RNF141: variants seen among roughly 807,000 people sequenced by gnomAD.
The protein encoded by RNF141 is C3HC4-like zinc finger protein.
RNF141 carries 18 observed loss-of-function variants against 27.4 expected under a neutral mutation model. That is an observed-to-expected ratio of 0.66 (90% CI 0.45 to 0.97). RNF141 has a LOEUF of 0.97. RNF141 is among the 50% of genes least tolerant of loss of function. RNF141 has a pLI of 0.00. For synonymous variants in RNF141, 97 were observed against 96.6 expected, an observed-to-expected ratio of 1.00 and a Z score of -0.02; for missense variants, 230 against 279.4, an observed-to-expected ratio of 0.82 and a Z score of 1.26.
chr11:10,533,957 ACATATGGGG>A, intron 2 of RNF141, 50 bp downstream of exon 2: 1 of 1,496,342 alleles, frequency 6.7e-7, no homozygotes, highest in Non-Finnish European at 9.2e-7. Flanking sequence ...CACAGCCATG[ACATATGGGG>A]CATACATACA....
chr11:10,528,288 T>C (rs1426273771), intron 3 of RNF141, among the ~76,000 whole-genome samples: 1 of 152,138 alleles, frequency 6.6e-6, no homozygotes, highest in African/African-American at 2.4e-5. Context: ...CTTTCTAACA[T>C]AAACACTGAC....
intron 2 of RNF141, chr11:10,531,822 C>G (rs1849988784): frequency 4.1e-6 from 1 of 241,006 alleles, no homozygotes; most frequent in Non-Finnish European, 8.4e-6. Flanking sequence ...AGTTAAGCAA[C>G]TAGCCTTAGG....
rs1849807618 is a variant in RNF141 at position 10,512,340 on chromosome 11, C to A, written c.*2576G>T. On this transcript the variant is annotated 3_prime_UTR_variant, in exon 6 of 6. Transcript: ENST00000265981. Reference sequence around the variant, plus strand: ...TTATCACCCAGTTCAATAGAGCGAACAAAGAGCTGTGCTCATTTATTTATT... The same window carrying A: ...TTATCACCCAGTTCAATAGAGCGAAAAAAGAGCTGTGCTCATTTATTTATT... 1 of 152,602 alleles carries A rather than the reference C, an allele frequency of 6.6e-6. No homozygotes were observed. The highest frequency in any genetic ancestry group is 6.5e-5 in the Admixed American group (1 of 15,280). The allele number at this position is 152,602 out of a possible 1,614,324, so 9.5% of individuals were successfully genotyped here. A position where few individuals can be genotyped will look rare whatever the true frequency, so the allele number is the denominator to read the frequency against.
chr11:10,539,691 C>CATATATATATAT (rs1554905298), intron 1 of RNF141, among the ~76,000 whole-genome samples: 18 of 40,328 alleles, frequency 4.5e-4, no homozygotes, highest in African/African-American at 7.5e-4. Context: ...AAGATACATA[C>CATATATATATAT]ATATATATTA....
At chr11:10,525,916 T>C (rs1338051060) in intron 3 of RNF141, among the ~76,000 whole-genome samples, 1 of 152,116 alleles carries the variant, frequency 6.6e-6, no homozygotes, top group African/African-American at 2.4e-5. Context: ...ATCAAAAAAC[T>C]CGTTTAATAT....
At position 10,517,779 on chromosome 11, in the gene RNF141, T is replaced by A. The variant is rs1439805047; in HGVS notation, c.542+1255A>T. On this transcript the variant is annotated intron_variant, in intron 5 of 5. Transcript: ENST00000265981. ...CAGAAAAAAAGTCTTTGAAAAATGA[T>A]ATTCGGACATTCAAGAAGAGCCTAT... is the stretch of plus-strand genomic sequence containing the variant. The A allele has an allele frequency of 2.0e-5, 3 of 152,150 alleles. 1 individual carries two copies. Among genetic ancestry groups the A allele is most frequent in the South Asian group, 2.1e-4 (1 of 4,830 alleles). The allele number at this position is 152,150 out of a possible 1,614,324, so 9.4% of individuals were successfully genotyped here. A position where few individuals can be genotyped will look rare whatever the true frequency, so the allele number is the denominator to read the frequency against.
chr11:10,511,826 C>T lies in RNF141; in HGVS notation c.*3090G>A, dbSNP rs1849802214. The T allele has an allele frequency of 6.6e-6, 1 of 152,608 alleles. No homozygotes were observed. The highest frequency in any genetic ancestry group is 2.4e-5 in the African/African-American group (1 of 41,430). The allele number at this position is 152,608 out of a possible 1,614,324, so 9.5% of individuals were successfully genotyped here. On this transcript the variant is annotated 3_prime_UTR_variant, in exon 6 of 6. Transcript: ENST00000265981. ...GAATTTTAAAACAGCACACAAACAT[C>T]ACAAGCCCCCAGCGCACAATATAAA...
In RNF141 at chr11:10,527,960, G is replaced by T. The variant is rs116856219; in HGVS notation, c.253-2587C>A. 4.6e-3 allele frequency among the ~76,000 whole-genome samples: 697 copies of T among 152,292 alleles called. 7 individuals carry two copies. The East Asian group carries it at 0.056, about 12-fold the overall frequency. ...AAAGAAAAGCCAAGAATGACTCTAA[G>T]AAGTTGGTCTAAGAAAAAAGAAGGA... On this transcript the variant is annotated intron_variant, in intron 3 of 5. Transcript: ENST00000265981.
Position 10,512,170 on chromosome 11 carries a change from TAGTA to T in RNF141, c.*2742_*2745del, listed in dbSNP as rs1849805894. ...AAGGCACACATTATATTTCCTATCA[TAGTA>T]AGTACATTTAAGTACTTCATATTTA... On this transcript the variant is annotated 3_prime_UTR_variant, in exon 6 of 6. Transcript: ENST00000265981. The T allele has an allele frequency of 6.6e-6, 1 of 152,656 alleles. No individual in the cohort carries two copies. Among genetic ancestry groups the T allele is most frequent in the Non-Finnish European group, 1.5e-5 (1 of 68,040 alleles). The allele number at this position is 152,656 out of a possible 1,614,324, so 9.5% of individuals were successfully genotyped here. A position where few individuals can be genotyped will look rare whatever the true frequency, so the allele number is the denominator to read the frequency against.
chr11:10,513,499 A>T lies in RNF141; in HGVS notation c.*1417T>A, dbSNP rs569298728. 6.6e-6 allele frequency: 1 copy of T among 152,326 alleles called. No individual in the cohort carries two copies. Among genetic ancestry groups the T allele is most frequent in the South Asian group, 2.1e-4 (1 of 4,826 alleles). 9.4% of individuals were successfully genotyped at this position (152,326 alleles called of 1,614,324 possible). A position where few individuals can be genotyped will look rare whatever the true frequency, so the allele number is the denominator to read the frequency against. ...TTAATGTTAGAAATTTTAGTTCATA[A>T]GCAAAAAAAATGGTTGAGGTGCAAC... is the stretch of plus-strand genomic sequence containing the variant. On this transcript the variant is annotated 3_prime_UTR_variant, in exon 6 of 6. Coordinates refer to ENST00000265981, the MANE Select transcript of RNF141 (RefSeq NM_016422.4).
chr11:10,520,989 A>C (rs768204939), intron 4 of RNF141, among the ~76,000 whole-genome samples: 7 of 152,232 alleles, frequency 4.6e-5, no homozygotes, highest in Admixed American at 6.5e-5. Flanking sequence ...TGGGCATATG[A>C]GTGAAAGAAT....
At chr11:10,532,864 C>G (rs544589749) in intron 2 of RNF141, among the ~76,000 whole-genome samples, 1 of 152,092 alleles carries the variant, frequency 6.6e-6, no homozygotes, top group African/African-American at 2.4e-5. Flanking sequence ...TTTCATTCAG[C>G]CTTTTTAGGG....
intron 1 of RNF141, among the ~76,000 whole-genome samples, chr11:10,536,190 T>C (rs1244871867): frequency 6.6e-6 from 1 of 152,114 alleles, no homozygotes; most frequent in African/African-American, 2.4e-5. Context: ...AACAACATTT[T>C]ACTTGAGGTC....
chr11:10,525,082 A>AG, intron 4 of RNF141, 110 bp downstream of exon 4: 1 of 671,062 alleles, frequency 1.5e-6, no homozygotes, highest in East Asian at 3.4e-5. Flanking sequence ...ACCAACTGAG[A>AG]AAAAAAAAAG....
Position 10,512,845 on chromosome 11 carries a change from A to C in RNF141, c.*2071T>G, listed in dbSNP as rs1185513711. 1 of 152,182 alleles carries C rather than the reference A, an allele frequency of 6.6e-6. No homozygotes were observed. Among genetic ancestry groups the C allele is most frequent in the African/African-American group, 2.4e-5 (1 of 41,466 alleles). 9.4% of individuals were successfully genotyped at this position (152,182 alleles called of 1,614,324 possible). On this transcript the variant is annotated 3_prime_UTR_variant, in exon 6 of 6. Transcript: ENST00000265981. ...CATGCTGGATATCACCAATGCATTA[A>C]TGTTTTTATTCATTGACTTAATCAC...
chr11:10,527,653 G>C (rs891848829), intron 3 of RNF141, among the ~76,000 whole-genome samples: 2 of 151,996 alleles, frequency 1.3e-5, no homozygotes, highest in Non-Finnish European at 2.9e-5. Context: ...CACGGGGGGG[G>C]GTTTTGAGCC....
Position 10,514,934 on chromosome 11 carries a change from G to T in RNF141, c.675C>A (p.Gly225=). 1 of 1,612,990 alleles carries T rather than the reference G, an allele frequency of 6.2e-7. No individual in the cohort carries two copies. Among genetic ancestry groups the T allele is most frequent in the Non-Finnish European group, 8.5e-7 (1 of 1,179,538 alleles). Residue 225 remains glycine (G), a synonymous_variant, in exon 6 of 6, where the codon GGC becomes GGA. Coordinates refer to ENST00000265981, the MANE Select transcript of RNF141 (RefSeq NM_016422.4). The stretch of plus-strand genomic sequence containing the variant: ...TTCAAGGTCATGGCCTGTGGGGCTG[G>T]CCTGCCTCATCAGCCATGTTAAGAA... The part of the protein sequence containing the change: ...NYILNMADEA[G]QPHRP
intron 4 of RNF141, among the ~76,000 whole-genome samples, chr11:10,520,755 A>G (rs1849881799): frequency 6.6e-6 from 1 of 152,226 alleles, no homozygotes; most frequent in Non-Finnish European, 1.5e-5. Context: ...AGAACATTTG[A>G]GTAATGCATT....
At position 10,513,282 on chromosome 11, in the gene RNF141, T is replaced by A. The variant is rs1849816468; in HGVS notation, c.*1634A>T. ...CAGATGTTTTTCCTTGAAATTGATTTGAATTTTATTTGCTCGCCTATTAAA... is the reference window on the plus strand; with the variant it reads ...CAGATGTTTTTCCTTGAAATTGATTAGAATTTTATTTGCTCGCCTATTAAA... On this transcript the variant is annotated 3_prime_UTR_variant, in exon 6 of 6. Coordinates refer to ENST00000265981, the MANE Select transcript of RNF141 (RefSeq NM_016422.4). The A allele has an allele frequency of 6.6e-6, 1 of 152,228 alleles. No homozygotes were observed. Among genetic ancestry groups the A allele is most frequent in the East Asian group, 1.9e-4 (1 of 5,204 alleles). 9.4% of individuals were successfully genotyped at this position (152,228 alleles called of 1,614,324 possible). A position where few individuals can be genotyped will look rare whatever the true frequency, so the allele number is the denominator to read the frequency against.
Sources: gnomAD v4.1 joint callset for allele counts (sites outside exome capture counted in the v4.1 genomes callset) on GRCh38, gnomAD v4.1.1 for gene constraint, MANE v1.5 for transcripts, NCBI Gene and HGNC (gene_info 2026-07-23, HGNC 2026-07-21) for gene names.